Variants in SEMA3C observed in about 807,000 individuals in gnomAD.
The protein encoded by SEMA3C is semaphorin 3C, also known as semaphorin-3C.
A neutral mutation model predicts 89.4 loss-of-function variants in SEMA3C; 47 were observed. The ratio of observed to expected loss-of-function variants is 0.53; its 90% CI spans 0.42 to 0.67. The LOEUF (loss-of-function observed/expected upper bound fraction) is 0.67. Among genes scored for constraint, SEMA3C ranks in the 30% least tolerant of loss-of-function variants. SEMA3C has a pLI of 0.00. For synonymous variants in SEMA3C, 310 were observed against 320.2 expected, an observed-to-expected ratio of 0.97 and a Z score of 0.34; for missense variants, 839 against 929.1, an observed-to-expected ratio of 0.90 and a Z score of 1.26.
At chr7:80,816,216 A>G (rs1789604286) in intron 5 of SEMA3C, 1 of 152,218 alleles carries the variant, frequency 6.6e-6, no homozygotes, top group South Asian at 2.1e-4. Flanking sequence ...AGGCTCATCA[A>G]ATATTCCCCT....
rs528323455 is a variant in SEMA3C, at chr7:80,916,235, C to T, written c.103+444G>A. On this transcript the variant is annotated intron_variant, in intron 2 of 17. Coordinates refer to ENST00000265361, the MANE Select transcript of SEMA3C (RefSeq NM_006379.5). The stretch of plus-strand genomic sequence containing the variant: ...GAAGAAACACCATTAGAACAACACA[C>T]GGAGTAACCAGTTTTGAGACTAATG... Among the ~76,000 whole-genome samples, 9 of 152,272 alleles carry T rather than the reference C, an allele frequency of 5.9e-5. No individual in the cohort carries two copies. The South Asian group carries it at 1.7e-3, about 28-fold the overall frequency.
chr7:80,858,875 T>C lies in SEMA3C; in HGVS notation c.104-30130A>G, dbSNP rs541344775. On this transcript the variant is annotated intron_variant, in intron 2 of 17. Transcript: ENST00000265361. ...CGAGGTAATTCTCCATATGAATAAC[T>C]GAACCCAAGATGTGTAGAACAGAAT... 1.7e-4 allele frequency among the ~76,000 whole-genome samples: 26 copies of C among 152,286 alleles called. No homozygotes were observed. In the South Asian group the frequency reaches 5.4e-3, roughly 32 times the overall value.
At chr7:80,820,412 A>G (rs1789719114) in intron 4 of SEMA3C, among the ~76,000 whole-genome samples, 1 of 152,022 alleles carries the variant, frequency 6.6e-6, no homozygotes, top group African/African-American at 2.4e-5. Context: ...TAAAACTAAA[A>G]CAAAATAAAT....
At position 80,798,122 on chromosome 7, in the gene SEMA3C, C is replaced by G; in HGVS notation, c.1101G>C (p.Gln367His). Residue 367 changes from glutamine to histidine, a missense_variant, in exon 11 of 18, where the codon CAG becomes CAC. Transcript: ENST00000265361. ...EGPNHQLISY[Q>H]GRIPYPRPGT... ...CAGGGCGAGGATATGGAATTCTGCC[C>G]TGATAGGAAATCAGCTGATGATTGG... 1.2e-6 allele frequency: 2 copies of G among 1,607,638 alleles called. No individual in the cohort carries two copies. Among genetic ancestry groups the G allele is most frequent in the South Asian group, 1.1e-5 (1 of 89,824 alleles).
intron 2 of SEMA3C, among the ~76,000 whole-genome samples, chr7:80,894,525 T>G (rs116978579): frequency 6.6e-6 from 1 of 152,302 alleles, no homozygotes; most frequent in Non-Finnish European, 1.5e-5. Flanking sequence ...AGAAGCTGTT[T>G]CCAAGGTAAC....
chr7:80,816,415 C>A (rs1440069178), intron 5 of SEMA3C, among the ~76,000 whole-genome samples: 4 of 152,210 alleles, frequency 2.6e-5, no homozygotes. Flanking sequence ...AAGTATCACC[C>A]ATGGTCATTA....
chr7:80,904,072 G>A (rs1316233962), intron 2 of SEMA3C, among the ~76,000 whole-genome samples: 2 of 152,146 alleles, frequency 1.3e-5, no homozygotes, highest in African/African-American at 2.4e-5. Flanking sequence ...ACAGAGTTGT[G>A]CTCTGTTGTC....
chr7:80,794,486 A>G (rs1789015855), intron 11 of SEMA3C, among the ~76,000 whole-genome samples: 1 of 152,132 alleles, frequency 6.6e-6, no homozygotes, highest in African/African-American at 2.4e-5. Context: ...ACTCTAATGT[A>G]AGCACAACCA....
At chr7:80,820,985 T>C (rs1455821412) in intron 4 of SEMA3C, among the ~76,000 whole-genome samples, 3 of 152,222 alleles carry the variant, frequency 2.0e-5, no homozygotes, top group Non-Finnish European at 4.4e-5. Flanking sequence ...ATTACTGGTA[T>C]TGGTAAAATG....
At chr7:80,821,041 C>A (rs892199081) in intron 4 of SEMA3C, among the ~76,000 whole-genome samples, 1 of 152,146 alleles carries the variant, frequency 6.6e-6, no homozygotes, top group African/African-American at 2.4e-5. Context: ...GCCAACTATA[C>A]TCATTTCATG....
intron 15 of SEMA3C, among the ~76,000 whole-genome samples, chr7:80,754,964 T>TTTTGTTTTTTTTTTTTTTTG (rs765917535): frequency 3.2e-4 from 41 of 129,116 alleles, no homozygotes; most frequent in South Asian, 5.2e-4. Context: ...TTTGTTTTTT[T>TTTTGTTTTTTTTTTTTTTTG]TTTTTTTGTA....
intron 2 of SEMA3C, among the ~76,000 whole-genome samples, chr7:80,879,625 G>A (rs17154578): frequency 0.012 from 1,882 of 152,256 alleles, 37 homozygotes; most frequent in African/African-American, 0.042. Flanking sequence ...CTATGTTACA[G>A]CCTGCAGCTA....
At chr7:80,848,548 C>A (rs1050856021) in intron 2 of SEMA3C, among the ~76,000 whole-genome samples, 1 of 152,164 alleles carries the variant, frequency 6.6e-6, no homozygotes, top group Non-Finnish European at 1.5e-5. Context: ...AACATTTCTT[C>A]TCCTAGCAAC....
intron 4 of SEMA3C, among the ~76,000 whole-genome samples, chr7:80,820,508 A>G: frequency 6.6e-6 from 1 of 152,296 alleles, no homozygotes; most frequent in Middle Eastern, 3.4e-3. Flanking sequence ...ATTACTTGCC[A>G]GCAAATATAT....
intron 2 of SEMA3C, among the ~76,000 whole-genome samples, chr7:80,837,756 T>A (rs1317471646): frequency 6.6e-6 from 1 of 152,202 alleles, no homozygotes; most frequent in East Asian, 1.9e-4. Flanking sequence ...AAAAGCTTTC[T>A]CGATCCTTTA....
chr7:80,768,431 G>T (rs1258963015), intron 12 of SEMA3C, among the ~76,000 whole-genome samples: 3 of 151,792 alleles, frequency 2.0e-5, no homozygotes, highest in Non-Finnish European at 4.4e-5. Context: ...GGAGAATGGT[G>T]TGAACCTGGG....
chr7:80,754,957 G>GTTGTTTTTTTGTTTTTTTTTGT, intron 15 of SEMA3C, among the ~76,000 whole-genome samples: 1 of 108,390 alleles, frequency 9.2e-6, no homozygotes, highest in East Asian at 3.2e-4. Context: ...GTTTTTTTTT[G>GTTGTTTTTTTGTTTTTTTTTGT]TTTTTTTTTT....
At chr7:80,784,771 C>T (rs1007103567) in intron 12 of SEMA3C, among the ~76,000 whole-genome samples, 4 of 152,098 alleles carry the variant, frequency 2.6e-5, no homozygotes, top group African/African-American at 9.7e-5. Context: ...TCTCTATGGA[C>T]ACTGAAATCT....
In SEMA3C at chr7:80,826,934, A is replaced by G. The variant is rs373244316; in HGVS notation, c.327+491T>C. ...GCATACTGAACATATATTGATACTT[A>G]TATCTGCCTCTATTGCTGTTTCTGT... On this transcript the variant is annotated intron_variant, in intron 4 of 17. Coordinates refer to ENST00000265361, the MANE Select transcript of SEMA3C (RefSeq NM_006379.5). Among the ~76,000 whole-genome samples, 11 of 152,220 alleles carry G rather than the reference A, an allele frequency of 7.2e-5. 1 individual carries two copies. The East Asian group carries it at 2.1e-3, about 29-fold the overall frequency.
Sources: gnomAD v4.1 joint callset for allele counts (sites outside exome capture counted in the v4.1 genomes callset) on GRCh38, gnomAD v4.1.1 for gene constraint, MANE v1.5 for transcripts, NCBI Gene and HGNC (gene_info 2026-07-23, HGNC 2026-07-21) for gene names.